Variants in RHBDD1 observed in about 807,000 individuals in gnomAD.
The protein encoded by RHBDD1 is rhomboid-related protein 4.
RHBDD1 carries 38 observed loss-of-function variants against 36.3 expected under a neutral mutation model. That is an observed-to-expected ratio of 1.05 (90% CI 0.81 to 1.37). The LOEUF (loss-of-function observed/expected upper bound fraction) is 1.37, where lower values mean the gene tolerates loss of function less well. Among genes scored for constraint, RHBDD1 ranks in the 40% most tolerant of loss-of-function variants. The pLI, the probability that RHBDD1 is intolerant of heterozygous loss-of-function variation, is 0.00. For missense variants in RHBDD1, 393 were observed against 377.6 expected, an observed-to-expected ratio of 1.04 and a Z score of -0.34; for synonymous variants, 151 against 136.5, an observed-to-expected ratio of 1.11 and a Z score of -0.74.
the RHBDD1 span, among the ~76,000 whole-genome samples, chr2:226,812,649 T>C: frequency 7.4e-5 from 10 of 134,314 alleles, no homozygotes; most frequent in African/African-American, 1.0e-4. Flanking sequence ...CTCTCTCTCT[T>C]TTTTTTTGGA....
At chr2:226,946,130 T>C (rs925711579) in intron 8 of RHBDD1, among the ~76,000 whole-genome samples, 4 of 152,144 alleles carry the variant, frequency 2.6e-5, no homozygotes, top group Admixed American at 6.5e-5. Context: ...TTTTTTTTGC[T>C]GTGCAGAAGC....
chr2:226,892,713 A>G (rs1407788060), intron 5 of RHBDD1, among the ~76,000 whole-genome samples: 3 of 152,314 alleles, frequency 2.0e-5, no homozygotes, highest in South Asian at 2.1e-4. Context: ...TGTTTTTCTT[A>G]TTGGCCCAAT....
At chr2:226,846,271 G>T (rs1942205875) in intron 3 of RHBDD1, among the ~76,000 whole-genome samples, 2 of 152,248 alleles carry the variant, frequency 1.3e-5, no homozygotes, top group South Asian at 2.1e-4. Flanking sequence ...CATTTTTAAA[G>T]TTTGTATGAA....
chr2:226,840,455 G>T (rs1941489125), intron 3 of RHBDD1, among the ~76,000 whole-genome samples: 1 of 152,314 alleles, frequency 6.6e-6, no homozygotes. Flanking sequence ...TCTCATTAAG[G>T]AGAGGAAAGG....
At chr2:226,865,272 A>C in intron 4 of RHBDD1, 146 bp downstream of exon 4, 2 of 672,652 alleles carry the variant, frequency 3.0e-6, no homozygotes, top group East Asian at 2.6e-5. Flanking sequence ...AGGCTGGAGC[A>C]TGCAGGGACT....
Position 226,839,511 on chromosome 2 carries a change from T to A in RHBDD1, c.-207T>A, listed in dbSNP as rs569259375. ...GGCTCTTGGTCCTTGGCAGCGATAT[T>A]AGGAGGCGTGCCTAGGGAACCTCGG... is the stretch of plus-strand genomic sequence containing the variant. On this transcript the variant is annotated 5_prime_UTR_variant, in exon 3 of 9. Coordinates refer to ENST00000392062, the MANE Select transcript of RHBDD1 (RefSeq NM_001167608.3). 1 of 152,236 alleles carries A rather than the reference T, an allele frequency of 6.6e-6. No homozygotes were observed. Among genetic ancestry groups the A allele is most frequent in the East Asian group, 1.9e-4 (1 of 5,182 alleles). 9.4% of individuals were successfully genotyped at this position (152,236 alleles called of 1,614,324 possible).
chr2:226,960,580 C>A (rs1463989309), intron 8 of RHBDD1, among the ~76,000 whole-genome samples: 5 of 152,130 alleles, frequency 3.3e-5, no homozygotes, highest in Non-Finnish European at 5.9e-5. Context: ...AAAATTTTGA[C>A]CAAATTGATT....
chr2:226,947,773 T>A (rs999422481), intron 8 of RHBDD1, among the ~76,000 whole-genome samples: 1 of 152,046 alleles, frequency 6.6e-6, no homozygotes, highest in Non-Finnish European at 1.5e-5. Flanking sequence ...AACAGACACT[T>A]CTCAAAAGAG....
At chr2:226,944,412 G>A (rs1262662533) in intron 8 of RHBDD1, among the ~76,000 whole-genome samples, 1 of 152,232 alleles carries the variant, frequency 6.6e-6, no homozygotes, top group Admixed American at 6.5e-5. Flanking sequence ...AGGCTAGGGG[G>A]ACACTGTCAG....
At chr2:226,909,908 G>C (rs546410979) in intron 7 of RHBDD1, among the ~76,000 whole-genome samples, 1 of 152,198 alleles carries the variant, frequency 6.6e-6, no homozygotes, top group Non-Finnish European at 1.5e-5. Context: ...GAGACTAGCA[G>C]CCTTTTCTTT....
At chr2:226,888,384 C>A (rs576567683) in intron 5 of RHBDD1, among the ~76,000 whole-genome samples, 7 of 150,706 alleles carry the variant, frequency 4.6e-5, no homozygotes, top group African/African-American at 1.7e-4. Flanking sequence ...GTATTAAATA[C>A]TGTTTGGATC....
chr2:226,852,281 GCTGCCAC>G (rs1942885091), intron 3 of RHBDD1, among the ~76,000 whole-genome samples: 1 of 152,146 alleles, frequency 6.6e-6, no homozygotes, highest in African/African-American at 2.4e-5. Context: ...CGTTTTTATA[GCTGCCAC>G]CTTTGTTTCG....
At chr2:226,894,584 A>G (rs1946948163) in intron 5 of RHBDD1, among the ~76,000 whole-genome samples, 1 of 152,082 alleles carries the variant, frequency 6.6e-6, no homozygotes, top group Non-Finnish European at 1.5e-5. Flanking sequence ...AATTCATAAT[A>G]TTTTATTTTA....
chr2:226,932,038 C>T (rs906961399), intron 8 of RHBDD1, among the ~76,000 whole-genome samples: 3 of 152,074 alleles, frequency 2.0e-5, no homozygotes, highest in Non-Finnish European at 4.4e-5. Context: ...TGCAGATCCT[C>T]CATATGTTTT....
chr2:226,917,712 CA>C (rs1310327649), intron 8 of RHBDD1, among the ~76,000 whole-genome samples: 1 of 151,920 alleles, frequency 6.6e-6, no homozygotes, highest in Non-Finnish European at 1.5e-5. Flanking sequence ...TCCTCCTACA[CA>C]TGTATTTTCA....
intron 3 of RHBDD1, among the ~76,000 whole-genome samples, chr2:226,845,598 T>C (rs1942128477): frequency 6.6e-6 from 1 of 152,230 alleles, no homozygotes; most frequent in South Asian, 2.1e-4. Flanking sequence ...CTTTATATTC[T>C]GAAACTGTTA....
chr2:226,922,831 CT>C (rs1949418375), intron 8 of RHBDD1, among the ~76,000 whole-genome samples: 1 of 151,944 alleles, frequency 6.6e-6, no homozygotes, highest in Non-Finnish European at 1.5e-5. Flanking sequence ...TTAATATGAC[CT>C]TTTTTTAAAC....
intron 8 of RHBDD1, among the ~76,000 whole-genome samples, chr2:226,969,862 A>C (rs1222657253): frequency 2.0e-5 from 3 of 152,144 alleles, no homozygotes; most frequent in African/African-American, 7.2e-5. Flanking sequence ...TTTTATTTAA[A>C]CACACTGTAT....
chr2:226,888,293 A>G (rs918145623), intron 5 of RHBDD1, among the ~76,000 whole-genome samples: 7 of 152,200 alleles, frequency 4.6e-5, no homozygotes, highest in Non-Finnish European at 8.8e-5. Context: ...GTAAGAACTT[A>G]CTGAATAAAA....
Sources: allele counts gnomAD v4.1 joint callset (sites outside exome capture counted in the v4.1 genomes callset), GRCh38; gene constraint gnomAD v4.1.1; transcripts MANE v1.5; gene names NCBI Gene and HGNC (gene_info 2026-07-23, HGNC 2026-07-21).